The following FAT1 variants were observed in gnomAD, a reference collection of about 807,000 sequenced individuals.
The protein encoded by FAT1 is FAT atypical cadherin 1.
FAT1 carries 171 observed loss-of-function variants against 329.8 expected under a neutral mutation model. That is an observed-to-expected ratio of 0.52 (90% confidence interval 0.46 to 0.59). The LOEUF (loss-of-function observed/expected upper bound fraction) is 0.59. Among genes scored for constraint, FAT1 ranks in the 20% least tolerant of loss-of-function variants. FAT1 has a pLI of 0.00. For synonymous variants in FAT1, 2,233 were observed against 2,228.6 expected (o/e 1.00, Z -0.06); for missense variants, 5,672 against 5,774.4 (o/e 0.98, Z 0.57).
intron 10 of FAT1, 54 bp downstream of exon 10, chr4:186,617,654 G>C (rs1739775752): frequency 7.1e-6 from 10 of 1,407,726 alleles, no homozygotes; most frequent in Non-Finnish European, 8.7e-6. Context: ...TATACTTTAT[G>C]CTTCTAAAAA....
chr4:186,620,248 T>G lies in FAT1; in HGVS notation c.6338A>C (p.Asn2113Thr), dbSNP rs1739968050. Residue 2113 changes from asparagine (N) to threonine (T), a missense_variant, in exon 10 of 27, where the codon AAC becomes ACC. This residue lies in a region of FAT1 where 3,966 missense variants were observed against 3,915.2 expected (regional missense o/e 1.01). Transcript: ENST00000441802. ...VTAVDRDSGR[N>T]GEVHYYLKEH... ...CTTGAGGTAGTAATGCACTTCCCCG[T>G]TTCTGCCACTGTCTCTGTCTACAGC... 1 of 1,614,010 alleles carries G rather than the reference T, an allele frequency of 6.2e-7. No homozygotes were observed. Among genetic ancestry groups the G allele is most frequent in the Non-Finnish European group, 8.5e-7 (1 of 1,179,894 alleles).
At position 186,706,813 on chromosome 4, in the gene FAT1, G is replaced by A. The variant is rs1744634883; in HGVS notation, c.3015C>T (p.Asp1005=). 1 of 1,613,828 alleles carries A rather than the reference G, an allele frequency of 6.2e-7. No individual in the cohort carries two copies. Among genetic ancestry groups the A allele is most frequent in the South Asian group, 1.1e-5 (1 of 91,076 alleles). The change falls in exon 2 of 27, where the codon GAC becomes GAT. Residue 1005 remains aspartate, a synonymous_variant. Transcript: ENST00000441802. ...AAGACAGAGAAACTGGCTTTCCCTT[G>A]TCTTTGGCCCTCACAGTGAGATTAT... is the stretch of plus-strand genomic sequence containing the variant. ...QVYNLTVRAK[D]KGKPVSLSST... is the part of the protein sequence containing the mutation.
chr4:186,676,726 T>C (rs1196175503), intron 2 of FAT1, among the ~76,000 whole-genome samples: 1 of 152,226 alleles, frequency 6.6e-6, no homozygotes, highest in Non-Finnish European at 1.5e-5. Context: ...TTGGTCTCTG[T>C]ATAAACAGAA....
intron 1 of FAT1, among the ~76,000 whole-genome samples, chr4:186,717,815 G>A (rs943299139): frequency 3.9e-5 from 6 of 152,146 alleles, no homozygotes; most frequent in Non-Finnish European, 7.3e-5. Context: ...GCATTCCTGT[G>A]CTATTCTCTT....
chr4:186,681,283 G>T (rs913064775), intron 2 of FAT1, among the ~76,000 whole-genome samples: 1 of 152,022 alleles, frequency 6.6e-6, no homozygotes, highest in Non-Finnish European at 1.5e-5. Flanking sequence ...ATTTAAAAGT[G>T]GGAGATATAT....
rs778500047 is a variant in FAT1 at position 186,609,244 on chromosome 4, G to A, written c.10145C>T (p.Ser3382Leu). 28 of 1,614,024 alleles carry A rather than the reference G, an allele frequency of 1.7e-5. No individual in the cohort carries two copies. The South Asian group carries it at 2.2e-4, about 13-fold the overall frequency. ...YSIIDGNQGSSFTIDPVRGEV... is the reference protein window; with the variant it reads ...YSIIDGNQGSLFTIDPVRGEV... ...TCCCCTGACGGGGTCAATTGTGAACGAGCTTCCTTGGTTGCCATCTATAAT... is the reference window on the plus strand; with the variant it reads ...TCCCCTGACGGGGTCAATTGTGAACAAGCTTCCTTGGTTGCCATCTATAAT... Residue 3382 changes from serine to leucine, a missense_variant, in exon 16 of 27, where the codon TCG becomes TTG. Ser to Leu is a moderately radical substitution (Grantham distance 145). This residue lies in a region of FAT1 where 1,706 missense variants were observed against 1,859.1 expected (regional missense o/e 0.92). Coordinates refer to ENST00000441802, the MANE Select transcript of FAT1 (RefSeq NM_005245.4).
Position 186,628,209 on chromosome 4 carries a change from C to G in FAT1, c.4755G>C (p.Thr1585=), listed in dbSNP as rs376503868. Residue 1585 remains threonine (T), a synonymous_variant, in exon 9 of 27, where the codon ACG becomes ACC. Coordinates refer to ENST00000441802, the MANE Select transcript of FAT1 (RefSeq NM_005245.4). ...AAVGSVVLQV[T]ALDKDKGKNA... ...TTTTCCCTTTGTCCTTGTCCAGAGC[C>G]GTCACCTGCAACACAACTGAGCCAA... 1.2e-6 allele frequency: 2 copies of G among 1,613,950 alleles called. No individual in the cohort carries two copies. The highest frequency in any genetic ancestry group is 2.2e-5 in the East Asian group (1 of 44,884).
intron 1 of FAT1, among the ~76,000 whole-genome samples, chr4:186,713,290 T>A (rs1181662119): frequency 6.6e-6 from 1 of 152,146 alleles, no homozygotes; most frequent in Non-Finnish European, 1.5e-5. Context: ...CTGGACAGTT[T>A]CCAGAAGTAC....
intron 24 of FAT1, 23 bp downstream of exon 24, chr4:186,597,659 A>G (rs1468295940): frequency 6.3e-7 from 1 of 1,584,682 alleles, no homozygotes; most frequent in Non-Finnish European, 8.7e-7. Flanking sequence ...GTATGAACCT[A>G]AATTTTGAAA....
At chr4:186,702,757 T>G (rs1443166468) in intron 2 of FAT1, among the ~76,000 whole-genome samples, 1 of 152,222 alleles carries the variant, frequency 6.6e-6, no homozygotes, top group Non-Finnish European at 1.5e-5. Flanking sequence ...CTCCAGATTT[T>G]ATTCTGCTTA....
chr4:186,723,018 G>A (rs1324208938), intron 1 of FAT1, among the ~76,000 whole-genome samples: 11 of 152,176 alleles, frequency 7.2e-5, no homozygotes, highest in Non-Finnish European at 2.9e-5. Context: ...CTAACACACA[G>A]CAGAAAGCTG....
intron 6 of FAT1, among the ~76,000 whole-genome samples, chr4:186,635,238 C>T: frequency 6.6e-6 from 1 of 152,024 alleles, no homozygotes; most frequent in Non-Finnish European, 1.5e-5. Context: ...CATAAAGTCC[C>T]CCCCAGAGAG....
rs375651655 is a variant in FAT1, at chr4:186,663,519, T to C, written c.3360A>G (p.Ser1120=). ...CCTCTATGTAGATCTCTATGAACGA[T>C]GAAAGAGGCACGACACCCTGATCGG... ...FATDQGVVPL[S]SFIEIYIEVE... is the part of the protein sequence containing the mutation. Residue 1120 remains serine (S), a synonymous_variant, in exon 3 of 27, where the codon TCA becomes TCG. Transcript: ENST00000441802. The C allele has an allele frequency of 2.5e-6, 4 of 1,613,178 alleles. No individual in the cohort carries two copies. The African/African-American group carries it at 4.0e-5, about 16-fold the overall frequency.
chr4:186,594,612 T>A (rs1046329665), intron 26 of FAT1, among the ~76,000 whole-genome samples: 1 of 144,930 alleles, frequency 6.9e-6, no homozygotes, highest in Non-Finnish European at 1.5e-5. Context: ...ATACCATATA[T>A]ACGGTATCAA....
chr4:186,636,737 C>T lies in FAT1; in HGVS notation c.3820G>A (p.Val1274Ile), dbSNP rs200242253. The change falls in exon 5 of 27, where the codon GTC (valine) becomes ATC (isoleucine). Residue 1274 changes from valine to isoleucine, a missense_variant. This residue lies in a region of FAT1 where 3,966 missense variants were observed against 3,915.2 expected (regional missense o/e 1.01). Transcript: ENST00000441802. ...CCCTCATCCTTGTCGGTGGCTATGACGTGATAGAGCGGCTCCCGTCTGGCA... is the reference window on the plus strand; with the variant it reads ...CCCTCATCCTTGTCGGTGGCTATGATGTGATAGAGCGGCTCCCGTCTGGCA... The part of the protein sequence containing the change: ...RNARREPLYH[V>I]IATDKDEGPN... 125 of 1,613,628 alleles carry T rather than the reference C, an allele frequency of 7.7e-5. No individual in the cohort carries two copies. The highest frequency in any genetic ancestry group is 5.1e-4 in the African/African-American group (38 of 74,836).
rs1744718226 is a variant in FAT1, at chr4:186,707,936, A to T, written c.1892T>A (p.Met631Lys). 6.2e-7 allele frequency: 1 copy of T among 1,614,036 alleles called. No individual in the cohort carries two copies. The highest frequency in any genetic ancestry group is 8.5e-7 in the Non-Finnish European group (1 of 1,179,900). ...SGVLSLKRSLMDGLGAKVSFH... is the reference protein window; with the variant it reads ...SGVLSLKRSLKDGLGAKVSFH... Reference sequence around the variant, plus strand: ...AGACACCTTTGCACCTAAGCCATCCATTAGCGATCGCTTTAATGACAATAC... The same window carrying T: ...AGACACCTTTGCACCTAAGCCATCCTTTAGCGATCGCTTTAATGACAATAC... Residue 631 changes from methionine to lysine, a missense_variant, in exon 2 of 27, where the codon ATG becomes AAG. Around this residue, in one of 2 missense-constraint regions of FAT1, gnomAD observed 3,966 missense variants for 3,915.2 expected, o/e 1.01. Coordinates refer to ENST00000441802, the MANE Select transcript of FAT1 (RefSeq NM_005245.4).
chr4:186,592,915 G>C (rs1162959276), intron 26 of FAT1, among the ~76,000 whole-genome samples: 1 of 152,184 alleles, frequency 6.6e-6, no homozygotes, highest in African/African-American at 2.4e-5. Flanking sequence ...ACTGTTAGCT[G>C]TGTGTCTCAG....
intron 26 of FAT1, among the ~76,000 whole-genome samples, chr4:186,592,042 G>A (rs1305467796): frequency 6.6e-6 from 1 of 152,144 alleles, no homozygotes; most frequent in Non-Finnish European, 1.5e-5. Context: ...CAGCAATTGG[G>A]CTTTTAACAG....
Position 186,613,102 on chromosome 4 carries a change from GA to G in FAT1, c.9463+6del. The stretch of plus-strand genomic sequence containing the variant: ...CAGCGTCAGGCAAGAGCATTCCCGG[GA>G]GATACCTGCGTCGGCATCTGTGGCC... On this transcript the variant is annotated splice_donor_region_variant and intron_variant, in intron 13 of 26. Coordinates refer to ENST00000441802, the MANE Select transcript of FAT1 (RefSeq NM_005245.4). 1 of 1,593,592 alleles carries G rather than the reference GA, an allele frequency of 6.3e-7. No homozygotes were observed. The highest frequency in any genetic ancestry group is 1.1e-5 in the South Asian group (1 of 90,678).
Sources: allele counts gnomAD v4.1 joint callset (sites outside exome capture counted in the v4.1 genomes callset), GRCh38; gene constraint gnomAD v4.1.1; regional missense constraint gnomAD v4.1.1; transcripts MANE v1.5; gene names NCBI Gene and HGNC (gene_info 2026-07-23, HGNC 2026-07-21).